The following GLCCI1 variants were observed in gnomAD, a reference collection of about 807,000 sequenced individuals.
The protein encoded by GLCCI1 is glucocorticoid-induced transcript 1 protein.
GLCCI1 carries 24 observed loss-of-function variants against 52.2 expected under a neutral mutation model. The ratio of observed to expected loss-of-function variants is 0.46; its 90% CI spans 0.33 to 0.65. GLCCI1 has a LOEUF of 0.65. Among genes scored for constraint, GLCCI1 ranks in the 30% least tolerant of loss-of-function variants. GLCCI1 has a pLI of 0.02. For synonymous variants in GLCCI1, 310 were observed against 276.5 expected (o/e 1.12, Z -1.20); for missense variants, 704 against 701.5 (o/e 1.00, Z -0.04).
chr7:8,040,671 C>G (rs947671293), intron 3 of GLCCI1, among the ~76,000 whole-genome samples: 12 of 152,238 alleles, frequency 7.9e-5, no homozygotes, highest in African/African-American at 2.6e-4. Context: ...CTTTGGAAAA[C>G]ACTTTGCTAG....
At chr7:8,063,576 A>G (rs1045697401) in intron 5 of GLCCI1, among the ~76,000 whole-genome samples, 3 of 151,026 alleles carry the variant, frequency 2.0e-5, no homozygotes, top group Admixed American at 2.0e-4. Flanking sequence ...CTTCTTTTGA[A>G]AAGTGTCTGT....
At chr7:8,006,823 C>A (rs762084376) in intron 2 of GLCCI1, among the ~76,000 whole-genome samples, 19 of 152,202 alleles carry the variant, frequency 1.2e-4, no homozygotes, top group African/African-American at 4.3e-4. Context: ...GCCTAAGTCC[C>A]ATTCTCTTCC....
chr7:8,071,271 C>T, intron 6 of GLCCI1, 140 bp downstream of exon 6: 2 of 682,280 alleles, frequency 2.9e-6, no homozygotes, highest in East Asian at 2.7e-5. Context: ...TTTCTTTGTT[C>T]ATTGGTTTCA....
Position 8,040,525 on chromosome 7 carries a change from A to AACACACACACACACACACAC in GLCCI1, c.697-14891_697-14872dup, listed in dbSNP as rs58561376. Reference sequence around the variant, plus strand: ...TTAAAAACCATAGTGAGATATAATTAACACACACACACACACACACACACA... The same window carrying AACACACACACACACACACAC: ...TTAAAAACCATAGTGAGATATAATTAACACACACACACACACACACACACACACACACACACACACACACA... On this transcript the variant is annotated intron_variant, in intron 3 of 7. Coordinates refer to ENST00000223145, the MANE Select transcript of GLCCI1 (RefSeq NM_138426.4). Among the ~76,000 whole-genome samples, 7 of 145,324 alleles carry AACACACACACACACACACAC rather than the reference A, an allele frequency of 4.8e-5. No individual in the cohort carries two copies. In the East Asian group the frequency reaches 8.3e-4, roughly 17 times the overall value.
chr7:8,043,454 G>A (rs750130412), intron 3 of GLCCI1, among the ~76,000 whole-genome samples: 2 of 152,114 alleles, frequency 1.3e-5, no homozygotes, highest in Non-Finnish European at 2.9e-5. Flanking sequence ...GCCAATCCTT[G>A]CTAAGTAAAG....
At chr7:7,980,960 G>T in intron 1 of GLCCI1, 2 of 580,828 alleles carry the variant, frequency 3.4e-6, no homozygotes, top group Non-Finnish European at 6.4e-6. Context: ...TTAAAGAGTG[G>T]TAGAGTTGAC....
intron 6 of GLCCI1, among the ~76,000 whole-genome samples, chr7:8,074,262 T>C (rs970662497): frequency 3.9e-5 from 6 of 152,156 alleles, no homozygotes; most frequent in Non-Finnish European, 7.3e-5. Flanking sequence ...TATACAGTGA[T>C]GTTTAGAATA....
At chr7:7,973,787 C>T (rs1780404509) in intron 1 of GLCCI1, among the ~76,000 whole-genome samples, 1 of 152,030 alleles carries the variant, frequency 6.6e-6, no homozygotes, top group African/African-American at 2.4e-5. Flanking sequence ...ATAATGTTAA[C>T]TCCATGTAAT....
intron 1 of GLCCI1, among the ~76,000 whole-genome samples, chr7:7,996,225 G>A (rs1475629872): frequency 6.6e-6 from 1 of 151,990 alleles, no homozygotes; most frequent in Non-Finnish European, 1.5e-5. Context: ...TACTTCTTTA[G>A]TATATGAACT....
chr7:8,071,727 T>C (rs1782765896), intron 6 of GLCCI1, among the ~76,000 whole-genome samples: 1 of 152,152 alleles, frequency 6.6e-6, no homozygotes, highest in Admixed American at 6.5e-5. Flanking sequence ...ACACCAACAC[T>C]TCCTGGGTTC....
intron 3 of GLCCI1, among the ~76,000 whole-genome samples, chr7:8,044,130 A>G (rs930620734): frequency 6.6e-6 from 1 of 151,946 alleles, no homozygotes; most frequent in African/African-American, 2.4e-5. Flanking sequence ...TATTTTTAGT[A>G]GAGACAGGGT....
intron 3 of GLCCI1, among the ~76,000 whole-genome samples, chr7:8,032,307 C>A (rs1378696447): frequency 1.3e-5 from 2 of 151,918 alleles, no homozygotes; most frequent in Non-Finnish European, 2.9e-5. Flanking sequence ...ATATCAGAAA[C>A]AGAGAAAAAC....
intron 1 of GLCCI1, among the ~76,000 whole-genome samples, chr7:7,988,641 G>A (rs78375214): frequency 0.032 from 4,867 of 152,126 alleles, 249 homozygotes; most frequent in African/African-American, 0.11. Flanking sequence ...AGTAAGGTAG[G>A]TGATTAAGTT....
At chr7:8,081,177 G>A (rs556906101) in intron 6 of GLCCI1, among the ~76,000 whole-genome samples, 5 of 152,020 alleles carry the variant, frequency 3.3e-5, no homozygotes, top group African/African-American at 9.7e-5. Flanking sequence ...TCAGGTGCAC[G>A]TGGGAGCTTT....
rs1488970898 is a variant in GLCCI1, at chr7:8,004,042, A to G, written c.592A>G (p.Lys198Glu). The change falls in exon 2 of 8, where the codon AAA (lysine) becomes GAA (glutamate). Residue 198 changes from lysine to glutamate, a missense_variant. Lys to Glu is a moderately conservative substitution (Grantham distance 56). Transcript: ENST00000223145. Reference sequence around the variant, plus strand: ...TCATGTTCACTACCCTTCATGCATGAAAGACAAAGCTACTCAGGTAAAATC... The same window carrying G: ...TCATGTTCACTACCCTTCATGCATGGAAGACAAAGCTACTCAGGTAAAATC... ...DPHVHYPSCM[K>E]DKATQTPSCW... 1 of 1,613,100 alleles carries G rather than the reference A, an allele frequency of 6.2e-7. No homozygotes were observed. The highest frequency in any genetic ancestry group is 8.5e-7 in the Non-Finnish European group (1 of 1,179,476).
At chr7:8,017,141 C>A (rs35143180) in intron 2 of GLCCI1, among the ~76,000 whole-genome samples, 9,185 of 152,224 alleles carry the variant, frequency 0.06, 293 homozygotes, top group East Asian at 0.091. Flanking sequence ...AAAGCTACTC[C>A]CTCCTCCATT....
chr7:7,997,982 C>T (rs1014326290), intron 1 of GLCCI1, among the ~76,000 whole-genome samples: 3 of 150,204 alleles, frequency 2.0e-5, no homozygotes, highest in African/African-American at 7.3e-5. Context: ...AATAAAGTAG[C>T]TGTAGAATAT....
chr7:8,010,647 A>G (rs1336158371), intron 2 of GLCCI1, among the ~76,000 whole-genome samples: 1 of 152,224 alleles, frequency 6.6e-6, no homozygotes, highest in Non-Finnish European at 1.5e-5. Flanking sequence ...TTTTGATGGT[A>G]AAATAATCCA....
At chr7:8,025,240 A>G (rs1340162124) in intron 3 of GLCCI1, among the ~76,000 whole-genome samples, 1 of 152,066 alleles carries the variant, frequency 6.6e-6, no homozygotes, top group East Asian at 1.9e-4. Flanking sequence ...GATGAAATTC[A>G]AGTGGGCTAC....
Sources: allele counts gnomAD v4.1 joint callset (sites outside exome capture counted in the v4.1 genomes callset), GRCh38; gene constraint gnomAD v4.1.1; transcripts MANE v1.5; gene names NCBI Gene and HGNC (gene_info 2026-07-23, HGNC 2026-07-21).